CDCA7L: variants seen among roughly 807,000 people sequenced by gnomAD.
The protein encoded by CDCA7L is cell division cycle associated 7 like, also known as cell division cycle-associated 7-like protein.
Under a neutral mutation model 57.4 loss-of-function variants are expected in CDCA7L, and 44 were observed. The observed-to-expected ratio is 0.77, with a 90% confidence interval of 0.60 to 0.98. The LOEUF (loss-of-function observed/expected upper bound fraction) is 0.98. Ranked by LOEUF, CDCA7L falls within the 50% of genes least tolerant of loss-of-function variation. The pLI is 0.00. For synonymous variants in CDCA7L, 236 were observed against 202.8 expected (o/e 1.16, Z -1.39); for missense variants, 644 against 580.6 (o/e 1.11, Z -1.12).
chr7:21,938,724 G>T (rs572862735), intron 1 of CDCA7L, among the ~76,000 whole-genome samples: 1 of 152,140 alleles, frequency 6.6e-6, no homozygotes, highest in Non-Finnish European at 1.5e-5. Flanking sequence ...AAGAAATGAC[G>T]TCAGGCACAG....
intron 4 of CDCA7L, among the ~76,000 whole-genome samples, chr7:21,907,172 A>C (rs1486217180): frequency 2.0e-5 from 3 of 152,248 alleles, no homozygotes; most frequent in African/African-American, 4.8e-5. Flanking sequence ...AATATGCCAG[A>C]GAATTTAATT....
rs72658842 is a variant in CDCA7L at position 21,901,447 on chromosome 7, C to T, written c.*875G>A. 2.5e-3 allele frequency: 1,660 copies of T among 658,562 alleles called. 16 individuals are homozygous for T. The highest frequency in any genetic ancestry group is 1.6e-3 in the Non-Finnish European group (743 of 463,306). 40.8% of individuals were successfully genotyped at this position (658,562 alleles called of 1,614,324 possible). A position where few individuals can be genotyped will look rare whatever the true frequency, so the allele number is the denominator to read the frequency against. On this transcript the variant is annotated 3_prime_UTR_variant, in exon 10 of 10. Transcript: ENST00000406877. The stretch of plus-strand genomic sequence containing the variant: ...ACTCAGGGCTGAGCGTGGTGGCACA[C>T]GACTGTAATCCCAGTTACTCAGGAG...
Position 21,901,121 on chromosome 7 carries a change from A to G in CDCA7L, c.*1201T>C, listed in dbSNP as rs755601215. ...ACCCCCGTGGACAGACAAGAAACCA[A>G]ACAGACCTACGAGTGCCCTGTGTAT... On this transcript the variant is annotated 3_prime_UTR_variant, in exon 10 of 10. Coordinates refer to ENST00000406877, the MANE Select transcript of CDCA7L (RefSeq NM_018719.5). The G allele has an allele frequency of 2.5e-6, 4 of 1,613,136 alleles. No individual in the cohort carries two copies. Among genetic ancestry groups the G allele is most frequent in the Non-Finnish European group, 3.4e-6 (4 of 1,179,418 alleles).
In CDCA7L at chr7:21,911,758, A is replaced by T; in HGVS notation, c.166-4T>A. On this transcript the variant is annotated splice_region_variant and splice_polypyrimidine_tract_variant and intron_variant, in intron 2 of 9. Coordinates refer to ENST00000406877, the MANE Select transcript of CDCA7L (RefSeq NM_018719.5). The stretch of plus-strand genomic sequence containing the variant: ...TGGAATGAAAGCGCACATCCTGCTA[A>T]ATTAAAGACACACATACATCAGAGA... 3 of 1,610,858 alleles carry T rather than the reference A, an allele frequency of 1.9e-6. No individual in the cohort carries two copies. The highest frequency in any genetic ancestry group is 2.5e-6 in the Non-Finnish European group (3 of 1,179,146).
At chr7:21,908,597 G>A (rs1208592154) in intron 3 of CDCA7L, 90 bp from the exon 4 acceptor site, 3 of 1,279,680 alleles carry the variant, frequency 2.3e-6, no homozygotes, top group African/African-American at 3.1e-5. Context: ...AGCATTATGA[G>A]AAAAAACATG....
chr7:21,911,963 CAAAAA>C (rs59150302), intron 2 of CDCA7L, among the ~76,000 whole-genome samples: 1 of 137,308 alleles, frequency 7.3e-6, no homozygotes, highest in South Asian at 2.3e-4. Flanking sequence ...TATTTTACCA[CAAAAA>C]AAAAAAAACA....
At position 21,901,223 on chromosome 7, in the gene CDCA7L, T is replaced by C. The variant is rs1202183671; in HGVS notation, c.*1099A>G. The C allele has an allele frequency of 1.9e-6, 3 of 1,610,790 alleles. No individual in the cohort carries two copies. Among genetic ancestry groups the C allele is most frequent in the East Asian group, 2.2e-5 (1 of 44,722 alleles). On this transcript the variant is annotated 3_prime_UTR_variant, in exon 10 of 10. Coordinates refer to ENST00000406877, the MANE Select transcript of CDCA7L (RefSeq NM_018719.5). Reference sequence around the variant, plus strand: ...GAAGAGAAGACTGCAAAATGGGTTCTGGCTGGAGTGGCTCTGCTTCTAGAA... The same window carrying C: ...GAAGAGAAGACTGCAAAATGGGTTCCGGCTGGAGTGGCTCTGCTTCTAGAA...
chr7:21,929,631 C>CAAAA lies in CDCA7L; in HGVS notation c.25-12741_25-12738dup, dbSNP rs57283961. On this transcript the variant is annotated intron_variant, in intron 1 of 9. Coordinates refer to ENST00000406877, the MANE Select transcript of CDCA7L (RefSeq NM_018719.5). ...GGAATATTATCCAGCAAATGGAAAG[C>CAAAA]AAAAAAAAAAAAAAAAAAAAAAAAA... Among the ~76,000 whole-genome samples the CAAAA allele has an allele frequency of 1.7e-3, 61 of 35,516 alleles. 2 individuals are homozygous for CAAAA. Among genetic ancestry groups the CAAAA allele is most frequent in the African/African-American group, 4.3e-3 (28 of 6,554 alleles). The allele number at this position is 35,516 out of a possible 152,430, so 23.3% of individuals were successfully genotyped here.
chr7:21,906,351 T>C lies in CDCA7L; in HGVS notation c.859A>G (p.Thr287Ala). The C allele has an allele frequency of 2.5e-6, 4 of 1,613,500 alleles. No individual in the cohort carries two copies. The highest frequency in any genetic ancestry group is 1.1e-5 in the South Asian group (1 of 91,040). ...PPEKFALENF[T>A]VSAAKFAEEF... ...TCCGCAAATTTAGCGGCTGAGACAG[T>C]GAAGTTCTCTAGAGCAAACTTCTCA... The change falls in exon 6 of 10, where the codon ACT (threonine) becomes GCT (alanine). Residue 287 changes from threonine to alanine, a missense_variant. Thr to Ala is a moderately conservative substitution (Grantham distance 58). Coordinates refer to ENST00000406877, the MANE Select transcript of CDCA7L (RefSeq NM_018719.5).
intron 3 of CDCA7L, among the ~76,000 whole-genome samples, chr7:21,911,357 A>G (rs1785321065): frequency 6.6e-6 from 1 of 151,974 alleles, no homozygotes; most frequent in Non-Finnish European, 1.5e-5. Context: ...GAAGGACAAT[A>G]AAGGACGCCT....
chr7:21,911,219 G>A (rs1785315746), intron 3 of CDCA7L, among the ~76,000 whole-genome samples: 1 of 151,292 alleles, frequency 6.6e-6, no homozygotes, highest in Non-Finnish European at 1.5e-5. Context: ...GAGGAGAGAT[G>A]GGGTTTCACC....
At position 21,908,321 on chromosome 7, in the gene CDCA7L, C is replaced by G; in HGVS notation, c.490G>C (p.Glu164Gln). 5.6e-6 allele frequency: 9 copies of G among 1,608,674 alleles called. No individual in the cohort carries two copies. The highest frequency in any genetic ancestry group is 7.6e-6 in the Non-Finnish European group (9 of 1,178,622). Residue 164 changes from glutamate to glutamine, a missense_variant, in exon 4 of 10, where the codon GAG (glutamate) becomes CAG (glutamine). Coordinates refer to ENST00000406877, the MANE Select transcript of CDCA7L (RefSeq NM_018719.5). ...AAGCGTGCGCTAGAAAACAACTGCT[C>G]GGAAGAACTGTTTTTATCTGGTTTG... ...ANKPDKNSSS[E>Q]QLFSSARLQN...
intron 1 of CDCA7L, among the ~76,000 whole-genome samples, chr7:21,934,034 A>G (rs1195042558): frequency 1.3e-5 from 2 of 152,198 alleles, no homozygotes; most frequent in African/African-American, 4.8e-5. Flanking sequence ...CATTTGCAAC[A>G]GAAAATGCTG....
chr7:21,904,966 T>C (rs1482718575), intron 7 of CDCA7L, among the ~76,000 whole-genome samples: 1 of 152,226 alleles, frequency 6.6e-6, no homozygotes, highest in African/African-American at 2.4e-5. Flanking sequence ...CCAGCCTAGC[T>C]CTGCAGACCT....
At chr7:21,931,374 G>A (rs1397553869) in intron 1 of CDCA7L, among the ~76,000 whole-genome samples, 2 of 151,922 alleles carry the variant, frequency 1.3e-5, no homozygotes, top group Admixed American at 6.6e-5. Context: ...TTTTCACATT[G>A]GCAATAAAAT....
intron 1 of CDCA7L, among the ~76,000 whole-genome samples, chr7:21,930,167 T>G (rs1230364767): frequency 2.6e-5 from 4 of 152,108 alleles, no homozygotes; most frequent in Non-Finnish European, 5.9e-5. Context: ...AGAAACTCAC[T>G]CAAAACCGCA....
At chr7:21,915,218 G>A (rs1452915961) in intron 2 of CDCA7L, among the ~76,000 whole-genome samples, 1 of 152,050 alleles carries the variant, frequency 6.6e-6, no homozygotes, top group Non-Finnish European at 1.5e-5. Flanking sequence ...GAAGAGGGGA[G>A]GGAAGGCCAA....
intron 7 of CDCA7L, among the ~76,000 whole-genome samples, chr7:21,905,190 C>T (rs1159692466): frequency 6.6e-6 from 1 of 151,846 alleles, no homozygotes; most frequent in Non-Finnish European, 1.5e-5. Flanking sequence ...CCCAAATATA[C>T]TTTTTTCAAT....
chr7:21,908,166 C>T lies in CDCA7L; in HGVS notation c.645G>A (p.Leu215=). 3 of 1,580,628 alleles carry T rather than the reference C, an allele frequency of 1.9e-6. No individual in the cohort carries two copies. Among genetic ancestry groups the T allele is most frequent in the Non-Finnish European group, 2.6e-6 (3 of 1,171,342 alleles). The change falls in exon 4 of 10, where the codon CTG becomes CTA. Residue 215 remains leucine (L), a synonymous_variant. Coordinates refer to ENST00000406877, the MANE Select transcript of CDCA7L (RefSeq NM_018719.5). ...TCTCCTTGATGTTCATGGTCCTTTTCAGCAAAGCATCTGAACTCTCCTGGC... is the reference window on the plus strand; with the variant it reads ...TCTCCTTGATGTTCATGGTCCTTTTTAGCAAAGCATCTGAACTCTCCTGGC... ...DESQESSDAL[L]KRTMNIKENK...
Sources: gnomAD v4.1 joint callset for allele counts (sites outside exome capture counted in the v4.1 genomes callset) on GRCh38, gnomAD v4.1.1 for gene constraint, MANE v1.5 for transcripts, NCBI Gene and HGNC (gene_info 2026-07-23, HGNC 2026-07-21) for gene names.